NECAB1: variants seen among roughly 807,000 people sequenced by gnomAD.
NECAB1 encodes the protein N-terminal EF-hand calcium binding protein 1.
A neutral mutation model predicts 57.5 loss-of-function variants in NECAB1; 29 were observed. The ratio of observed to expected loss-of-function variants is 0.50; its 90% CI spans 0.38 to 0.69. NECAB1 has a LOEUF of 0.69. Among genes scored for constraint, NECAB1 ranks in the 30% least tolerant of loss-of-function variants. NECAB1 has a pLI of 0.00. For missense variants in NECAB1, 372 were observed against 413.8 expected (o/e 0.90, Z 0.88); for synonymous variants, 142 against 147.7 (o/e 0.96, Z 0.28).
intron 10 of NECAB1, among the ~76,000 whole-genome samples, chr8:90,944,701 T>C (rs1284131705): frequency 6.6e-6 from 1 of 152,228 alleles, no homozygotes; most frequent in Non-Finnish European, 1.5e-5. Context: ...ATCATGTTCA[T>C]GGCCTAAAAT....
rs1810889422 is a variant in NECAB1, at chr8:90,949,816, A to G, written c.870A>G (p.Ile290Met). The change falls in exon 11 of 13, where the codon ATA becomes ATG. Residue 290 changes from isoleucine to methionine, a missense_variant. Coordinates refer to ENST00000417640, the MANE Select transcript of NECAB1 (RefSeq NM_022351.5). ...SSQSGCLRISIQKLSNESRYM... is the reference protein window; with the variant it reads ...SSQSGCLRISMQKLSNESRYM... The stretch of plus-strand genomic sequence containing the variant: ...TTATTTTCCATTTCAGTATTTCTAT[A>G]CAGAAGCTTTCAAATGAATCTCGCT... The G allele has an allele frequency of 2.5e-6, 4 of 1,599,776 alleles. No individual in the cohort carries two copies. Among genetic ancestry groups the G allele is most frequent in the Admixed American group, 1.7e-5 (1 of 59,432 alleles).
At chr8:90,816,707 A>G (rs988294063) in intron 2 of NECAB1, among the ~76,000 whole-genome samples, 3 of 151,836 alleles carry the variant, frequency 2.0e-5, no homozygotes, top group South Asian at 2.1e-4. Flanking sequence ...GTTTTACAAT[A>G]CAACACTGGT....
intron 6 of NECAB1, among the ~76,000 whole-genome samples, chr8:90,923,146 T>C (rs1350825078): frequency 7.2e-5 from 11 of 151,946 alleles, no homozygotes; most frequent in Admixed American, 7.2e-4. Flanking sequence ...AAAATGAGGG[T>C]GAAGGTAGGG....
Position 90,810,033 on chromosome 8 carries a change from T to A in NECAB1, c.124+8318T>A, listed in dbSNP as rs192255051. On this transcript the variant is annotated intron_variant, in intron 2 of 12. Transcript: ENST00000417640. The stretch of plus-strand genomic sequence containing the variant: ...TTGTCCCAATTTTATTTATGAGTAA[T>A]CTGAGACATAGGGAACTCGTCCAAG... 7.2e-3 allele frequency among the ~76,000 whole-genome samples: 1,097 copies of A among 152,322 alleles called. 8 individuals are homozygous for A. Among genetic ancestry groups the A allele is most frequent in the Non-Finnish European group, 8.6e-3 (583 of 68,032 alleles).
intron 9 of NECAB1, among the ~76,000 whole-genome samples, chr8:90,937,359 T>C (rs960813697): frequency 1.3e-5 from 2 of 152,116 alleles, no homozygotes; most frequent in Non-Finnish European, 2.9e-5. Flanking sequence ...AGGATTATTA[T>C]AGGAAAGTAC....
chr8:90,802,503 G>A, intron 2 of NECAB1, among the ~76,000 whole-genome samples: 1 of 152,138 alleles, frequency 6.6e-6, no homozygotes, highest in East Asian at 1.9e-4. Context: ...CATGGTAGAG[G>A]TATATTCTTG....
intron 9 of NECAB1, among the ~76,000 whole-genome samples, chr8:90,939,151 A>G (rs1344015599): frequency 1.3e-5 from 2 of 152,216 alleles, no homozygotes; most frequent in Non-Finnish European, 1.5e-5. Context: ...CTAGCTGCAA[A>G]AGGAGCCATG....
At chr8:90,911,779 G>A (rs1003751111) in intron 5 of NECAB1, among the ~76,000 whole-genome samples, 4 of 152,142 alleles carry the variant, frequency 2.6e-5, no homozygotes, top group African/African-American at 7.2e-5. Flanking sequence ...CCCAGGTCTT[G>A]TGAAGTTTGA....
chr8:90,814,901 T>G (rs2129682830), intron 2 of NECAB1, among the ~76,000 whole-genome samples: 1 of 152,232 alleles, frequency 6.6e-6, no homozygotes, highest in South Asian at 2.1e-4. Flanking sequence ...CCCTTTCAGC[T>G]AAGAAGCAAG....
Position 90,957,672 on chromosome 8 carries a change from C to T in NECAB1, c.*2160C>T, listed in dbSNP as rs534902955. 7.5e-6 allele frequency: 1 copy of T among 133,400 alleles called. No homozygotes were observed. The highest frequency in any genetic ancestry group is 2.8e-5 in the African/African-American group (1 of 36,034). 8.3% of individuals were successfully genotyped at this position (133,400 alleles called of 1,614,324 possible). A position where few individuals can be genotyped will look rare whatever the true frequency, so the allele number is the denominator to read the frequency against. On this transcript the variant is annotated 3_prime_UTR_variant, in exon 13 of 13. Coordinates refer to ENST00000417640, the MANE Select transcript of NECAB1 (RefSeq NM_022351.5). ...ATAGTAGAAAAGGAAACTAGTAGGGCCAAAAAAAAAAAGAAAAAGAAAAAG... is the reference window on the plus strand; with the variant it reads ...ATAGTAGAAAAGGAAACTAGTAGGGTCAAAAAAAAAAAGAAAAAGAAAAAG...
intron 5 of NECAB1, among the ~76,000 whole-genome samples, chr8:90,894,186 C>T (rs1421807792): frequency 6.6e-6 from 1 of 152,124 alleles, no homozygotes; most frequent in African/African-American, 2.4e-5. Context: ...GTTCCAGACA[C>T]ATTTTTTCTC....
rs71560287 is a variant in NECAB1 at position 90,927,610 on chromosome 8, T to TACACACACAC, written c.617-590_617-581dup. Among the ~76,000 whole-genome samples the TACACACACAC allele has an allele frequency of 7.2e-3, 1,041 of 143,942 alleles. 7 individuals carry two copies. Among genetic ancestry groups the TACACACACAC allele is most frequent in the African/African-American group, 0.017 (664 of 39,024 alleles). The allele number at this position is 143,942 out of a possible 152,430, so 94.4% of individuals were successfully genotyped here. ...CTATAACGTTTAACTTGGTGCTAGA[T>TACACACACAC]ACACACACACACACACACACACACA... is the stretch of plus-strand genomic sequence containing the variant. On this transcript the variant is annotated intron_variant, in intron 7 of 12. Coordinates refer to ENST00000417640, the MANE Select transcript of NECAB1 (RefSeq NM_022351.5).
intron 2 of NECAB1, among the ~76,000 whole-genome samples, chr8:90,810,515 GAAT>G (rs1811941327): frequency 6.6e-6 from 1 of 152,104 alleles, no homozygotes; most frequent in Non-Finnish European, 1.5e-5. Flanking sequence ...TTGAAAATAG[GAAT>G]AATAAGAATT....
chr8:90,792,892 C>T (rs1414473016), intron 1 of NECAB1, among the ~76,000 whole-genome samples: 1 of 152,132 alleles, frequency 6.6e-6, no homozygotes, highest in Non-Finnish European at 1.5e-5. Flanking sequence ...TGCCGGGCTC[C>T]AGGCTCTCCC....
intron 3 of NECAB1, among the ~76,000 whole-genome samples, chr8:90,847,876 T>C (rs1812598757): frequency 6.6e-6 from 1 of 152,208 alleles, no homozygotes; most frequent in East Asian, 1.9e-4. Flanking sequence ...GTACCATTTT[T>C]TTCGCCTTGG....
At chr8:90,921,393 G>T (rs560168276) in intron 6 of NECAB1, among the ~76,000 whole-genome samples, 2 of 151,712 alleles carry the variant, frequency 1.3e-5, no homozygotes, top group Non-Finnish European at 2.9e-5. Flanking sequence ...TGCAGGTCAG[G>T]CATGGTGGCT....
At chr8:90,832,548 G>C (rs1393021990) in intron 3 of NECAB1, among the ~76,000 whole-genome samples, 2 of 151,986 alleles carry the variant, frequency 1.3e-5, no homozygotes, top group Non-Finnish European at 2.9e-5. Context: ...TTTGTGTCAA[G>C]GCAGTTTCTA....
At chr8:90,811,944 A>G (rs1811967687) in intron 2 of NECAB1, among the ~76,000 whole-genome samples, 1 of 152,252 alleles carries the variant, frequency 6.6e-6, no homozygotes, top group African/African-American at 2.4e-5. Flanking sequence ...TAGATTATAT[A>G]CACACCCCCA....
chr8:90,893,822 T>C (rs752640228), intron 5 of NECAB1, among the ~76,000 whole-genome samples: 1 of 148,958 alleles, frequency 6.7e-6, no homozygotes, highest in African/African-American at 2.5e-5. Flanking sequence ...CTAGTGCTCA[T>C]ACAGTTTTGC....
Sources: allele counts gnomAD v4.1 joint callset (sites outside exome capture counted in the v4.1 genomes callset), GRCh38; gene constraint gnomAD v4.1.1; transcripts MANE v1.5; gene names NCBI Gene and HGNC (gene_info 2026-07-23, HGNC 2026-07-21).